The following KLHL1 variants were observed in gnomAD, a reference collection of about 807,000 sequenced individuals.
KLHL1 encodes kelch-like protein 1.
In KLHL1, 47 loss-of-function variants were observed where a neutral mutation model predicts 77.7. The observed-to-expected ratio is 0.60, with a 90% CI of 0.48 to 0.77. The LOEUF (loss-of-function observed/expected upper bound fraction) is 0.77. Ranked by LOEUF, KLHL1 falls within the 30% of genes least tolerant of loss-of-function variation. KLHL1 has a pLI of 0.00. For missense variants in KLHL1, 925 were observed against 910.8 expected, an observed-to-expected ratio of 1.02 and a Z score of -0.20; for synonymous variants, 360 against 325.2, an observed-to-expected ratio of 1.11 and a Z score of -1.15.
Position 69,798,282 on chromosome 13 carries a change from A to G in KLHL1, c.1415-1320T>C, listed in dbSNP as rs540555827. Among the ~76,000 whole-genome samples, 14 of 152,294 alleles carry G rather than the reference A, an allele frequency of 9.2e-5. No homozygotes were observed. In the South Asian group the frequency reaches 2.9e-3, roughly 32 times the overall value. The stretch of plus-strand genomic sequence containing the variant: ...GTAATAAAAGTTTGCAAATCTAGGG[A>G]ATATATTCCTCTGGGGACTCATTTA... On this transcript the variant is annotated intron_variant, in intron 6 of 10. Coordinates refer to ENST00000377844, the MANE Select transcript of KLHL1 (RefSeq NM_020866.3).
intron 3 of KLHL1, among the ~76,000 whole-genome samples, chr13:69,941,171 T>C (rs980160467): frequency 2.0e-5 from 3 of 152,060 alleles, no homozygotes; most frequent in Non-Finnish European, 4.4e-5. Flanking sequence ...GTTCTTTTCA[T>C]CAGCACAGGG....
intron 8 of KLHL1, among the ~76,000 whole-genome samples, chr13:69,735,872 A>C (rs1873741388): frequency 6.6e-6 from 1 of 152,036 alleles, no homozygotes; most frequent in African/African-American, 2.4e-5. Context: ...AACTAAAAGA[A>C]ATTTTGAAAA....
At chr13:69,837,596 A>G (rs1235784455) in intron 6 of KLHL1, among the ~76,000 whole-genome samples, 3 of 146,628 alleles carry the variant, frequency 2.0e-5, no homozygotes, top group African/African-American at 7.7e-5. Context: ...CTATATATAT[A>G]CACATACATC....
intron 3 of KLHL1, among the ~76,000 whole-genome samples, chr13:69,955,473 T>C (rs2137260635): frequency 6.6e-6 from 1 of 151,494 alleles, no homozygotes; most frequent in Admixed American, 6.6e-5. Context: ...CACTACTAGA[T>C]TGACAGCTTC....
At chr13:70,017,911 TTAA>T in intron 1 of KLHL1, among the ~76,000 whole-genome samples, 1 of 152,190 alleles carries the variant, frequency 6.6e-6, no homozygotes, top group Non-Finnish European at 1.5e-5. Context: ...TCCAATACTA[TTAA>T]CTTTGTATTT....
chr13:70,070,549 A>G (rs1360826567), intron 1 of KLHL1, among the ~76,000 whole-genome samples: 1 of 151,650 alleles, frequency 6.6e-6, no homozygotes, highest in Admixed American at 6.6e-5. Flanking sequence ...AAATAAAAAA[A>G]TTCTTAAACA....
At chr13:69,794,466 A>T (rs12583014) in intron 7 of KLHL1, among the ~76,000 whole-genome samples, 56,236 of 151,346 alleles carry the variant, frequency 0.37, 10,804 homozygotes, top group African/African-American at 0.46. Context: ...AGCATCTTAA[A>T]GGTGGGAGAG....
chr13:70,011,503 C>T (rs984067347), intron 1 of KLHL1, among the ~76,000 whole-genome samples: 11 of 152,086 alleles, frequency 7.2e-5, no homozygotes, highest in African/African-American at 2.7e-4. Flanking sequence ...AAGGGCATTT[C>T]TTTTGGCAAA....
intron 1 of KLHL1, among the ~76,000 whole-genome samples, chr13:69,984,171 G>C (rs1215572535): frequency 6.6e-6 from 1 of 152,068 alleles, no homozygotes; most frequent in Non-Finnish European, 1.5e-5. Flanking sequence ...TGGTATAGGA[G>C]TTAAAAAGAA....
chr13:69,856,457 G>T (rs1175278465), intron 5 of KLHL1, among the ~76,000 whole-genome samples: 4 of 151,964 alleles, frequency 2.6e-5, no homozygotes, highest in African/African-American at 9.7e-5. Flanking sequence ...TCTATTTTCT[G>T]CCAGCATCCA....
chr13:70,022,486 G>T (rs1885830268), intron 1 of KLHL1, among the ~76,000 whole-genome samples: 1 of 151,580 alleles, frequency 6.6e-6, no homozygotes, highest in African/African-American at 2.4e-5. Flanking sequence ...TAAATATTAT[G>T]TAAGAAATGA....
chr13:69,959,986 T>C (rs1471730353), intron 3 of KLHL1, among the ~76,000 whole-genome samples: 4 of 152,016 alleles, frequency 2.6e-5, no homozygotes, highest in Non-Finnish European at 2.9e-5. Context: ...TCTTTACCTG[T>C]ATAATTTTGT....
At chr13:69,814,452 A>C (rs1034909553) in intron 6 of KLHL1, among the ~76,000 whole-genome samples, 3 of 152,202 alleles carry the variant, frequency 2.0e-5, no homozygotes, top group Non-Finnish European at 4.4e-5. Flanking sequence ...CTATCAACAG[A>C]ATAAACAGAC....
chr13:69,745,719 A>G (rs1300206615), intron 7 of KLHL1, among the ~76,000 whole-genome samples: 1 of 151,972 alleles, frequency 6.6e-6, no homozygotes, highest in Non-Finnish European at 1.5e-5. Context: ...AACAATGACT[A>G]TTGAGGAAGA....
At chr13:69,810,244 C>T (rs1877812234) in intron 6 of KLHL1, among the ~76,000 whole-genome samples, 1 of 152,066 alleles carries the variant, frequency 6.6e-6, no homozygotes, top group Non-Finnish European at 1.5e-5. Flanking sequence ...ATATATTCCT[C>T]TTGTCTTCAT....
chr13:70,017,323 T>C (rs1300052269), intron 1 of KLHL1, among the ~76,000 whole-genome samples: 3 of 152,188 alleles, frequency 2.0e-5, no homozygotes, highest in African/African-American at 4.8e-5. Context: ...GGCTCTATGG[T>C]CCATGGTGTC....
intron 7 of KLHL1, among the ~76,000 whole-genome samples, chr13:69,750,169 T>G (rs969929724): frequency 6.6e-6 from 1 of 151,668 alleles, no homozygotes; most frequent in Middle Eastern, 3.2e-3. Context: ...AAGTCACCAG[T>G]GGCTTCATAA....
chr13:69,747,505 G>A (rs949486572), intron 7 of KLHL1, among the ~76,000 whole-genome samples: 1 of 151,866 alleles, frequency 6.6e-6, no homozygotes, highest in East Asian at 1.9e-4. Context: ...GAACAGAATC[G>A]GATTCATTGC....
At chr13:69,796,683 G>C in intron 7 of KLHL1, 55 bp downstream of exon 7, 1 of 1,228,926 alleles carries the variant, frequency 8.1e-7, no homozygotes, top group South Asian at 1.3e-5. Flanking sequence ...TTATCATATA[G>C]TTACATTATC....
Sources: gnomAD v4.1 joint callset for allele counts (sites outside exome capture counted in the v4.1 genomes callset) on GRCh38, gnomAD v4.1.1 for gene constraint, MANE v1.5 for transcripts, NCBI Gene and HGNC (gene_info 2026-07-23, HGNC 2026-07-21) for gene names.